ARHGAP24: variants seen among roughly 807,000 people sequenced by gnomAD.
ARHGAP24 encodes the protein rho GTPase-activating protein 24.
ARHGAP24 carries 50 observed loss-of-function variants against 76.4 expected under a neutral mutation model. That is an observed-to-expected ratio of 0.65 (90% confidence interval 0.52 to 0.83). The LOEUF (loss-of-function observed/expected upper bound fraction) is 0.83, where lower values mean the gene tolerates loss of function less well. Ranked by LOEUF, ARHGAP24 falls within the 40% of genes least tolerant of loss-of-function variation. ARHGAP24 has a pLI of 0.00. For missense variants in ARHGAP24, 930 were observed against 914.2 expected, an observed-to-expected ratio of 1.02 and a Z score of -0.22; for synonymous variants, 345 against 323.3, an observed-to-expected ratio of 1.07 and a Z score of -0.72.
At chr4:85,662,288 T>C (rs1413806531) in intron 2 of ARHGAP24, among the ~76,000 whole-genome samples, 1 of 152,028 alleles carries the variant, frequency 6.6e-6, no homozygotes, top group Non-Finnish European at 1.5e-5. Flanking sequence ...CATTTTTTCA[T>C]GTGTTTTTTG....
At chr4:85,487,858 TA>T (rs1163659062) in intron 1 of ARHGAP24, among the ~76,000 whole-genome samples, 1 of 123,870 alleles carries the variant, frequency 8.1e-6, no homozygotes, top group Non-Finnish European at 1.6e-5. Flanking sequence ...ATATTTATTA[TA>T]TATATTATAT....
chr4:85,911,249 G>GAGCCCATTGT (rs1735059735), intron 3 of ARHGAP24, among the ~76,000 whole-genome samples: 1 of 152,192 alleles, frequency 6.6e-6, no homozygotes, highest in Non-Finnish European at 1.5e-5. Flanking sequence ...ATGGGGTGGG[G>GAGCCCATTGT]CTCCCACTTG....
At chr4:85,810,979 G>C (rs1465976712) in intron 3 of ARHGAP24, among the ~76,000 whole-genome samples, 1 of 152,122 alleles carries the variant, frequency 6.6e-6, no homozygotes, top group Non-Finnish European at 1.5e-5. Flanking sequence ...GACCTGTAAT[G>C]CCTATACAAA....
intron 1 of ARHGAP24, among the ~76,000 whole-genome samples, chr4:85,507,119 A>G (rs1270535876): frequency 6.6e-6 from 1 of 152,322 alleles, no homozygotes; most frequent in East Asian, 1.9e-4. Context: ...GCATGAACTG[A>G]GGGAGAATGC....
intron 3 of ARHGAP24, among the ~76,000 whole-genome samples, chr4:85,779,754 C>T (rs762728878): frequency 1.3e-5 from 2 of 152,160 alleles, no homozygotes; most frequent in South Asian, 2.1e-4. Context: ...CAATGCGGCA[C>T]AGAAAAAAAT....
chr4:85,500,141 G>A (rs764574735), intron 1 of ARHGAP24, among the ~76,000 whole-genome samples: 1 of 152,076 alleles, frequency 6.6e-6, no homozygotes, highest in Non-Finnish European at 1.5e-5. Flanking sequence ...GATATATTTT[G>A]GGTATGTTGG....
intron 3 of ARHGAP24, among the ~76,000 whole-genome samples, chr4:85,785,913 A>T (rs534885226): frequency 6.0e-4 from 92 of 152,204 alleles, no homozygotes; most frequent in African/African-American, 2.2e-3. Flanking sequence ...ATCATTTCTT[A>T]TACCCAGTAT....
chr4:85,599,202 A>G lies in ARHGAP24; in HGVS notation c.180+28481A>G, dbSNP rs560679432. The stretch of plus-strand genomic sequence containing the variant: ...AGTTGATTAGCAGCTTGCTGTGGAG[A>G]GATGTTTAGAAGAAGGAGTTGGCAT... On this transcript the variant is annotated intron_variant, in intron 2 of 9. Transcript: ENST00000395184. Among the ~76,000 whole-genome samples, 62 of 152,146 alleles carry G rather than the reference A, an allele frequency of 4.1e-4. No homozygotes were observed. In the South Asian group the frequency reaches 0.013, roughly 32 times the overall value.
At chr4:85,726,245 G>A (rs1057505175) in intron 3 of ARHGAP24, among the ~76,000 whole-genome samples, 1 of 151,666 alleles carries the variant, frequency 6.6e-6, no homozygotes, top group East Asian at 1.9e-4. Flanking sequence ...GGGGTGGGGG[G>A]TGGACCTTAG....
intron 3 of ARHGAP24, among the ~76,000 whole-genome samples, chr4:85,795,443 A>G (rs891882073): frequency 6.6e-6 from 1 of 152,130 alleles, no homozygotes; most frequent in Admixed American, 6.5e-5. Flanking sequence ...AATATTATTG[A>G]TCTGACTTTA....
intron 1 of ARHGAP24, among the ~76,000 whole-genome samples, chr4:85,489,407 A>G (rs1440173254): frequency 1.3e-5 from 2 of 152,188 alleles, no homozygotes; most frequent in African/African-American, 4.8e-5. Flanking sequence ...TGACTGTTTA[A>G]TTTGTGGAAC....
At chr4:85,874,155 A>G (rs1457539042) in intron 3 of ARHGAP24, among the ~76,000 whole-genome samples, 1 of 152,178 alleles carries the variant, frequency 6.6e-6, no homozygotes, top group Non-Finnish European at 1.5e-5. Flanking sequence ...AACAATCTGT[A>G]CAAATATTGG....
intron 1 of ARHGAP24, among the ~76,000 whole-genome samples, chr4:85,557,861 A>G (rs1217565323): frequency 6.6e-6 from 1 of 152,110 alleles, no homozygotes; most frequent in Non-Finnish European, 1.5e-5. Context: ...CATATTTTTT[A>G]TCTTTAATGA....
chr4:85,974,887 G>A lies in ARHGAP24; in HGVS notation c.733-1G>A. ...ATATTTATTTTCTTCTTTGTACTCAGGGTGTTAAGGAATTAGCAAAGCAGG... is the reference window on the plus strand; with the variant it reads ...ATATTTATTTTCTTCTTTGTACTCAAGGTGTTAAGGAATTAGCAAAGCAGG... On this transcript the variant is annotated splice_acceptor_variant, in intron 6 of 9. Coordinates refer to ENST00000395184, the MANE Select transcript of ARHGAP24 (RefSeq NM_001025616.3). LOFTEE classifies it high-confidence loss of function. 2 of 1,613,334 alleles carry A rather than the reference G, an allele frequency of 1.2e-6. No homozygotes were observed. The highest frequency in any genetic ancestry group is 1.7e-6 in the Non-Finnish European group (2 of 1,179,552).
chr4:85,930,912 A>G, intron 4 of ARHGAP24: 1 of 1,613,586 alleles, frequency 6.2e-7, no homozygotes, highest in Non-Finnish European at 8.5e-7. Flanking sequence ...AACCGGGTTC[A>G]GAACTTCAGG....
chr4:85,652,752 A>G (rs1721991914), intron 2 of ARHGAP24, among the ~76,000 whole-genome samples: 1 of 152,150 alleles, frequency 6.6e-6, no homozygotes. Context: ...GGGGGTGGCA[A>G]GTTGGGGTGG....
intron 3 of ARHGAP24, among the ~76,000 whole-genome samples, chr4:85,724,443 C>T (rs1342906748): frequency 6.7e-6 from 1 of 149,844 alleles, no homozygotes; most frequent in East Asian, 2.0e-4. Context: ...GTTACGAATA[C>T]AGTTTATCCA....
intron 5 of ARHGAP24, among the ~76,000 whole-genome samples, chr4:85,971,378 T>G (rs529573046): frequency 4.1e-4 from 63 of 152,350 alleles, no homozygotes; most frequent in African/African-American, 1.4e-3. Context: ...ATCTAATATA[T>G]TCTCATTGTT....
At chr4:85,561,187 G>C (rs576195208) in intron 1 of ARHGAP24, among the ~76,000 whole-genome samples, 1 of 152,210 alleles carries the variant, frequency 6.6e-6, no homozygotes, top group South Asian at 2.1e-4. Flanking sequence ...TCAGAGCGGG[G>C]TGGTGGTGGC....
Sources: allele counts gnomAD v4.1 joint callset (sites outside exome capture counted in the v4.1 genomes callset), GRCh38; gene constraint gnomAD v4.1.1; transcripts MANE v1.5; gene names NCBI Gene and HGNC (gene_info 2026-07-23, HGNC 2026-07-21).